FANCA: variants seen among roughly 807,000 people sequenced by gnomAD.
FANCA encodes the protein Fanconi anemia group A protein.
In FANCA, 236 loss-of-function variants were observed where a neutral mutation model predicts 194.3. The ratio of observed to expected loss-of-function variants is 1.21; its 90% confidence interval spans 1.09 to 1.35. FANCA has a LOEUF of 1.35. Among genes scored for constraint, FANCA ranks in the 40% most tolerant of loss-of-function variants. FANCA has a pLI of 0.00. For synonymous variants in FANCA, 1,014 were observed against 715.8 expected, an observed-to-expected ratio of 1.42 and a Z score of -6.65; for missense variants, 2,628 against 1,813.9, an observed-to-expected ratio of 1.45 and a Z score of -8.15.
At position 89,746,606 on chromosome 16, in the gene FANCA, G is replaced by A. The variant is rs2038399117; in HGVS notation, c.3491C>T (p.Pro1164Leu). ...FILAKCQTKC[P>L]LILTSALVWW... ...CACCAGAGCAGAGGTCAAAATTAAGGGGCATTTCGTCTGGCACTTGGCCAG... is the reference window on the plus strand; with the variant it reads ...CACCAGAGCAGAGGTCAAAATTAAGAGGCATTTCGTCTGGCACTTGGCCAG... Residue 1164 changes from proline to leucine, a missense_variant, in exon 35 of 43, where the codon CCC becomes CTC. Transcript: ENST00000389301. The A allele has an allele frequency of 6.2e-7, 1 of 1,614,114 alleles. No individual in the cohort carries two copies. The highest frequency in any genetic ancestry group is 8.5e-7 in the Non-Finnish European group (1 of 1,179,998).
At chr16:89,787,775 C>G (rs915988663) in intron 14 of FANCA, among the ~76,000 whole-genome samples, 1 of 151,928 alleles carries the variant, frequency 6.6e-6, no homozygotes, top group African/African-American at 2.4e-5. Context: ...TTACATTTAA[C>G]TACATAATGT....
rs1339834291 is a variant in FANCA at position 89,738,871 on chromosome 16, C to G, written c.4260+11G>C. The G allele has an allele frequency of 6.2e-7, 1 of 1,614,242 alleles. No individual in the cohort carries two copies. Among genetic ancestry groups the G allele is most frequent in the East Asian group, 2.2e-5 (1 of 44,886 alleles). On this transcript the variant is annotated intron_variant, in intron 42 of 42. Coordinates refer to ENST00000389301, the MANE Select transcript of FANCA (RefSeq NM_000135.4). ...CCCCCACATGGCCCAAGGTGGGCAT[C>G]TTGACGTTACCTCTGCCACGTGTGA...
chr16:89,755,890 G>A (rs1419467485), intron 30 of FANCA, among the ~76,000 whole-genome samples: 9 of 145,964 alleles, frequency 6.2e-5, no homozygotes, highest in African/African-American at 1.5e-4. Flanking sequence ...GGAGCCGCCC[G>A]CACACCTAGG....
chr16:89,775,926 T>A (rs1196445744), intron 20 of FANCA, 111 bp from the exon 21 acceptor site: 2 of 643,574 alleles, frequency 3.1e-6, no homozygotes, highest in African/African-American at 3.7e-5. Context: ...AAATAAATTA[T>A]AAATACTGTG....
intron 5 of FANCA, among the ~76,000 whole-genome samples, chr16:89,810,367 T>A (rs2040829452): frequency 6.6e-6 from 1 of 151,008 alleles, no homozygotes; most frequent in Non-Finnish European, 1.5e-5. Flanking sequence ...GGCGAGACCC[T>A]GTCTCTGGAA....
At chr16:89,784,189 C>G (rs905730699) in intron 15 of FANCA, among the ~76,000 whole-genome samples, 20 of 151,868 alleles carry the variant, frequency 1.3e-4, no homozygotes, top group Admixed American at 3.9e-4. Context: ...ACAGCAAGAC[C>G]CCATCTGTAC....
intron 29 of FANCA, among the ~76,000 whole-genome samples, chr16:89,759,782 G>A (rs1264722500): frequency 6.6e-6 from 1 of 152,138 alleles, no homozygotes; most frequent in Non-Finnish European, 1.5e-5. Context: ...CAAATCCGCA[G>A]TGCACAGAAC....
Position 89,798,946 on chromosome 16 carries a change from C to T in FANCA, c.893+220G>A, listed in dbSNP as rs950161432. 2.7e-5 allele frequency: 44 copies of T among 1,609,774 alleles called. No homozygotes were observed. In the East Asian group the frequency reaches 4.7e-4, roughly 17 times the overall value. On this transcript the variant is annotated intron_variant, in intron 10 of 42. Transcript: ENST00000389301. ...AGGCGGAACAGGATACTGCAGTGGG[C>T]GCACCTTCCGACCTCATCCTCACAG...
At chr16:89,793,807 G>C (rs907873718) in intron 11 of FANCA, among the ~76,000 whole-genome samples, 1 of 152,144 alleles carries the variant, frequency 6.6e-6, no homozygotes, top group African/African-American at 2.4e-5. Context: ...CTGGAGTGCA[G>C]TGGTACAATC....
chr16:89,752,374 C>T lies in FANCA; in HGVS notation c.2982-152G>A. ...CAACAATAAACAACAAAAACTGCCA[C>T]AAAATACTACCAACCCCAACCTAGG... On this transcript the variant is annotated intron_variant, in intron 30 of 42. Transcript: ENST00000389301. 5 of 729,956 alleles carry T rather than the reference C, an allele frequency of 6.8e-6. No individual in the cohort carries two copies. The South Asian group carries it at 7.2e-5, about 10-fold the overall frequency. 45.2% of individuals were successfully genotyped at this position (729,956 alleles called of 1,614,324 possible).
At chr16:89,789,795 A>G (rs1027813363) in intron 14 of FANCA, among the ~76,000 whole-genome samples, 2 of 152,142 alleles carry the variant, frequency 1.3e-5, no homozygotes, top group Non-Finnish European at 1.5e-5. Context: ...ACTCACAAGC[A>G]CTAAAAGAGA....
chr16:89,807,134 T>C (rs929624248), intron 6 of FANCA, among the ~76,000 whole-genome samples: 9 of 152,206 alleles, frequency 5.9e-5, no homozygotes, highest in East Asian at 5.8e-4. Flanking sequence ...TTTTGCTTCA[T>C]AGATTTTGGT....
intron 5 of FANCA, 87 bp downstream of exon 5, chr16:89,810,620 A>C (rs1169554577): frequency 2.3e-6 from 2 of 885,010 alleles, no homozygotes; most frequent in East Asian, 2.4e-5. Context: ...AATTCCCAAG[A>C]AAACCCAGGT....
At chr16:89,778,264 G>C (rs1598125791) in intron 20 of FANCA, 2 of 209,422 alleles carry the variant, frequency 9.6e-6, no homozygotes, top group South Asian at 1.0e-4. Context: ...TCAGGAGTTT[G>C]AGAACCGCCT....
chr16:89,784,745 G>A, intron 15 of FANCA, 109 bp downstream of exon 15: 2 of 845,214 alleles, frequency 2.4e-6, no homozygotes, highest in Admixed American at 1.7e-5. Flanking sequence ...GCCTGGCTGA[G>A]AGGCTCAGAG....
In FANCA at chr16:89,782,150, C is replaced by A. The variant is rs1222164348; in HGVS notation, c.1626+709G>T. Among the ~76,000 whole-genome samples, 3 of 151,720 alleles carry A rather than the reference C, an allele frequency of 2.0e-5. No individual in the cohort carries two copies. In the East Asian group the frequency reaches 5.8e-4, roughly 29 times the overall value. On this transcript the variant is annotated intron_variant, in intron 17 of 42. Coordinates refer to ENST00000389301, the MANE Select transcript of FANCA (RefSeq NM_000135.4). Reference sequence around the variant, plus strand: ...CAGCACTTTGGGAGGCCAAGGCGGGCAGATCACGAGGTCAAGAGATCGAGA... The same window carrying A: ...CAGCACTTTGGGAGGCCAAGGCGGGAAGATCACGAGGTCAAGAGATCGAGA...
In FANCA at chr16:89,795,989, C is replaced by T. The variant is rs1441102361; in HGVS notation, c.923G>A (p.Gly308Asp). The part of the protein sequence containing the change: ...WFGVFSGHTL[G>D]SVISTDPLKR... ...CAGAGGATCTGTGGAAATTACACTG[C>T]CAAGCGTGTGTCCACTGAACACTCC... Residue 308 changes from glycine (G) to aspartate (D), a missense_variant, in exon 11 of 43, where the codon GGC becomes GAC. Coordinates refer to ENST00000389301, the MANE Select transcript of FANCA (RefSeq NM_000135.4). 2 of 1,614,106 alleles carry T rather than the reference C, an allele frequency of 1.2e-6. No individual in the cohort carries two copies. Among genetic ancestry groups the T allele is most frequent in the Non-Finnish European group, 1.7e-6 (2 of 1,179,958 alleles).
At chr16:89,745,807 G>C (rs567137276) in intron 35 of FANCA, among the ~76,000 whole-genome samples, 16 of 149,934 alleles carry the variant, frequency 1.1e-4, no homozygotes, top group African/African-American at 3.7e-4. Flanking sequence ...AGCTGGGAAC[G>C]AAACAGTGAA....
intron 28 of FANCA, 92 bp downstream of exon 28, chr16:89,764,798 G>T: frequency 1.4e-6 from 2 of 1,437,254 alleles, no homozygotes; most frequent in African/African-American, 1.4e-5. Flanking sequence ...GGAAGGAACG[G>T]TCACCTACGT....
Sources: allele counts gnomAD v4.1 joint callset (sites outside exome capture counted in the v4.1 genomes callset), GRCh38; gene constraint gnomAD v4.1.1; transcripts MANE v1.5; gene names NCBI Gene and HGNC (gene_info 2026-07-23, HGNC 2026-07-21).